The following ULK4 variants were observed in gnomAD, a reference collection of about 807,000 sequenced individuals.
ULK4 encodes inactive serine/threonine-protein kinase ULK4.
In ULK4, 133 loss-of-function variants were observed where a neutral mutation model predicts 160.6. The ratio of observed to expected loss-of-function variants is 0.83; its 90% CI spans 0.72 to 0.96. The LOEUF is 0.96. Ranked by LOEUF, ULK4 falls within the 40% of genes least tolerant of loss-of-function variation. ULK4 has a pLI of 0.00. For missense variants in ULK4, 1,580 were observed against 1,499.5 expected (o/e 1.05, Z -0.89); for synonymous variants, 534 against 539.8 (o/e 0.99, Z 0.15).
At chr3:41,609,343 C>T (rs762681902) in intron 31 of ULK4, among the ~76,000 whole-genome samples, 3 of 152,150 alleles carry the variant, frequency 2.0e-5, no homozygotes, top group Non-Finnish European at 4.4e-5. Flanking sequence ...TGAGCAACTT[C>T]ACTTCATTCA....
At chr3:41,906,824 C>A (rs549726602) in intron 12 of ULK4, among the ~76,000 whole-genome samples, 1 of 152,252 alleles carries the variant, frequency 6.6e-6, no homozygotes, top group East Asian at 1.9e-4. Flanking sequence ...GAAACCCCGT[C>A]TCTACTAAAA....
intron 35 of ULK4, among the ~76,000 whole-genome samples, chr3:41,316,136 A>C (rs2080138397): frequency 6.6e-6 from 1 of 152,272 alleles, no homozygotes; most frequent in Non-Finnish European, 1.5e-5. Context: ...GGAAAAGCCC[A>C]AATGACCATC....
intron 35 of ULK4, among the ~76,000 whole-genome samples, chr3:41,303,112 C>A (rs762787333): frequency 4.6e-5 from 7 of 152,094 alleles, no homozygotes; most frequent in Non-Finnish European, 1.0e-4. Context: ...TTTTTAAAGT[C>A]ATTTTTAAAA....
chr3:41,568,041 T>C (rs1168264274), intron 31 of ULK4, among the ~76,000 whole-genome samples: 2 of 152,182 alleles, frequency 1.3e-5, no homozygotes. Flanking sequence ...GCCTTTTCTG[T>C]TCCAGAATTC....
At chr3:41,254,258 T>G (rs2125670681) in intron 35 of ULK4, among the ~76,000 whole-genome samples, 1 of 152,332 alleles carries the variant, frequency 6.6e-6, no homozygotes, top group Non-Finnish European at 1.5e-5. Context: ...AAAACGTATC[T>G]TAACACATTT....
rs771322022 is a variant in ULK4 at position 41,883,914 on chromosome 3, G to A, written c.1616C>T (p.Ser539Leu). The change falls in exon 17 of 37, where the codon TCG becomes TTG. Residue 539 changes from serine (S) to leucine (L), a missense_variant. Physicochemically the swap from Ser to Leu is moderately radical, Grantham distance 145. Coordinates refer to ENST00000301831, the MANE Select transcript of ULK4 (RefSeq NM_017886.4). The part of the protein sequence containing the change: ...KVAHVIGLLA[S>L]HTAELQENTP... ...ATTTTCCTGGAGCTCAGCTGTGTGCGAAGCCAGTAAACCAATTACGTGAGC... is the reference window on the plus strand; with the variant it reads ...ATTTTCCTGGAGCTCAGCTGTGTGCAAAGCCAGTAAACCAATTACGTGAGC... 2.4e-5 allele frequency: 38 copies of A among 1,610,528 alleles called. No individual in the cohort carries two copies. The highest frequency in any genetic ancestry group is 6.6e-5 in the South Asian group (6 of 90,994).
chr3:41,667,360 T>C (rs2035380389), intron 29 of ULK4, among the ~76,000 whole-genome samples: 1 of 152,186 alleles, frequency 6.6e-6, no homozygotes, highest in African/African-American at 2.4e-5. Flanking sequence ...GCAAAATTCA[T>C]AATGGGCATG....
intron 35 of ULK4, among the ~76,000 whole-genome samples, chr3:41,364,742 C>G (rs1005323937): frequency 2.0e-5 from 3 of 152,162 alleles, no homozygotes; most frequent in African/African-American, 7.2e-5. Context: ...GAGTTCCAGT[C>G]CTCTTTCCAG....
intron 36 of ULK4, among the ~76,000 whole-genome samples, chr3:41,248,228 T>C (rs1316674208): frequency 1.3e-5 from 2 of 152,182 alleles, no homozygotes; most frequent in Non-Finnish European, 2.9e-5. Context: ...GCCCTCGGCA[T>C]AAATCTCTGT....
intron 30 of ULK4, among the ~76,000 whole-genome samples, chr3:41,629,358 T>C (rs2033657301): frequency 6.6e-6 from 1 of 152,166 alleles, no homozygotes; most frequent in South Asian, 2.1e-4. Context: ...CTGGAGCATC[T>C]ATCTATAGCT....
At position 41,681,590 on chromosome 3, in the gene ULK4, C is replaced by T. The variant is rs2125790550; in HGVS notation, c.2896G>A (p.Glu966Lys). 2 of 1,614,010 alleles carry T rather than the reference C, an allele frequency of 1.2e-6. No homozygotes were observed. The highest frequency in any genetic ancestry group is 4.5e-5 in the East Asian group (2 of 44,858). The change falls in exon 29 of 37, where the codon GAG (glutamate) becomes AAG (lysine). Residue 966 changes from glutamate to lysine, a missense_variant. Glu to Lys is a moderately conservative substitution (Grantham distance 56, BLOSUM62 1). Coordinates refer to ENST00000301831, the MANE Select transcript of ULK4 (RefSeq NM_017886.4). ...SETTSLLVNQ[E>K]FGDGKEKASV... Reference sequence around the variant, plus strand: ...GCCTTCTCCTTGCCATCCCCAAACTCCTGGTTCACGAGTAGAGATGTGGTT... The same window carrying T: ...GCCTTCTCCTTGCCATCCCCAAACTTCTGGTTCACGAGTAGAGATGTGGTT...
intron 32 of ULK4, among the ~76,000 whole-genome samples, chr3:41,513,278 C>T (rs1400757737): frequency 1.3e-5 from 2 of 152,118 alleles, no homozygotes; most frequent in Admixed American, 6.5e-5. Flanking sequence ...GCAAATGCAA[C>T]AAAAAACAAA....
intron 31 of ULK4, among the ~76,000 whole-genome samples, chr3:41,594,348 G>A (rs1329391085): frequency 6.6e-6 from 1 of 152,074 alleles, no homozygotes; most frequent in Non-Finnish European, 1.5e-5. Flanking sequence ...GCCAGCCTGA[G>A]CAACACAGTG....
At chr3:41,533,615 C>G (rs942274694) in intron 32 of ULK4, among the ~76,000 whole-genome samples, 1 of 152,168 alleles carries the variant, frequency 6.6e-6, no homozygotes, top group Non-Finnish European at 1.5e-5. Context: ...CATTCTTTCA[C>G]AGATTCTCTA....
At chr3:41,807,190 A>G (rs1301663553) in intron 19 of ULK4, among the ~76,000 whole-genome samples, 1 of 152,130 alleles carries the variant, frequency 6.6e-6, no homozygotes, top group Non-Finnish European at 1.5e-5. Context: ...TATATATGAT[A>G]CCTTAATTAA....
At chr3:41,321,535 G>A (rs1017993936) in intron 35 of ULK4, among the ~76,000 whole-genome samples, 5 of 152,010 alleles carry the variant, frequency 3.3e-5, no homozygotes, top group Non-Finnish European at 7.4e-5. Flanking sequence ...GGAATGTGAG[G>A]CGACCATCAC....
chr3:41,275,477 G>A (rs2079214114), intron 35 of ULK4, among the ~76,000 whole-genome samples: 1 of 152,186 alleles, frequency 6.6e-6, no homozygotes, highest in South Asian at 2.1e-4. Flanking sequence ...TAAAAAGAAT[G>A]CCTACAAGAT....
At position 41,615,649 on chromosome 3, in the gene ULK4, A is replaced by G. The variant is rs370141490; in HGVS notation, c.3120+20T>C. The G allele has an allele frequency of 7.4e-6, 12 of 1,610,766 alleles. No homozygotes were observed. Among genetic ancestry groups the G allele is most frequent in the African/African-American group, 1.3e-5 (1 of 74,880 alleles). On this transcript the variant is annotated intron_variant, in intron 31 of 36. Transcript: ENST00000301831. ...TTTCAAAATTTCATTTGAATTTCAA[A>G]TGCACATTTCCGTTCTTACCAGAGT... is the stretch of plus-strand genomic sequence containing the variant.
At chr3:41,911,183 G>T in intron 11 of ULK4, 134 bp downstream of exon 11, 1 of 814,802 alleles carries the variant, frequency 1.2e-6, no homozygotes, top group Non-Finnish European at 1.9e-6. Flanking sequence ...TGAAATTGGA[G>T]AGTGAAACTG....
Sources: gnomAD v4.1 joint callset for allele counts (sites outside exome capture counted in the v4.1 genomes callset) on GRCh38, gnomAD v4.1.1 for gene constraint, MANE v1.5 for transcripts, NCBI Gene and HGNC (gene_info 2026-07-23, HGNC 2026-07-21) for gene names.